The following TOP1 variants were observed in gnomAD, a reference collection of about 807,000 sequenced individuals.
TOP1 encodes DNA topoisomerase I.
Under a neutral mutation model 111.1 loss-of-function variants are expected in TOP1, and 10 were observed. That is an observed-to-expected ratio of 0.09 (90% CI 0.06 to 0.15). TOP1 has a LOEUF of 0.15. Among genes scored for constraint, TOP1 ranks in the 10% least tolerant of loss-of-function variants. The probability of loss-of-function intolerance (pLI) is 1.00; values close to 1 mark genes in which losing one functional copy is unlikely to be tolerated. For missense variants in TOP1, 474 were observed against 926.7 expected, an observed-to-expected ratio of 0.51 and a Z score of 6.34; for synonymous variants, 271 against 302.9, an observed-to-expected ratio of 0.89 and a Z score of 1.10.
chr20:41,056,987 G>A (rs1048394467), intron 2 of TOP1, among the ~76,000 whole-genome samples: 7 of 152,012 alleles, frequency 4.6e-5, no homozygotes, highest in South Asian at 2.1e-4. Flanking sequence ...GTGGCCGGGC[G>A]CAGTGGCTCA....
chr20:41,078,524 T>TAG lies in TOP1; in HGVS notation c.335+887_335+888insAG, dbSNP rs763458267. On this transcript the variant is annotated intron_variant, in intron 5 of 20. Transcript: ENST00000361337. The surrounding 1 kb of genome is among the most constrained non-coding windows in gnomAD (Gnocchi z 5.3). ...TCCTTTAGACAAGGAGAAAAGCAGG[T>TAG]GCCCTCTTCAGGCATGTTTCATAAT... Among the ~76,000 whole-genome samples the TAG allele has an allele frequency of 2.0e-5, 3 of 152,262 alleles. No individual in the cohort carries two copies. Among genetic ancestry groups the TAG allele is most frequent in the East Asian group, 3.9e-4 (2 of 5,176 alleles).
At chr20:41,093,252 T>C (rs144843265) in intron 9 of TOP1, among the ~76,000 whole-genome samples, 239 of 152,340 alleles carry the variant, frequency 1.6e-3, no homozygotes, top group African/African-American at 5.6e-3. Flanking sequence ...CTGTTGGCAG[T>C]GTAGCAGTAT....
intron 3 of TOP1, chr20:41,072,256 TA>T: frequency 1.0e-6 from 1 of 985,332 alleles, no homozygotes; most frequent in Non-Finnish European, 1.2e-6. Flanking sequence ...GTCTATTGTG[TA>T]TGGAAAAGTA....
At chr20:41,103,141 C>T (rs1568699576) in intron 13 of TOP1, among the ~76,000 whole-genome samples, 8 of 152,086 alleles carry the variant, frequency 5.3e-5, no homozygotes, top group Admixed American at 4.6e-4. Flanking sequence ...CATATTTTAC[C>T]ACAACTTAAA....
chr20:41,120,673 A>T (rs1196328060), intron 18 of TOP1, among the ~76,000 whole-genome samples: 5 of 152,234 alleles, frequency 3.3e-5, no homozygotes, highest in Non-Finnish European at 2.9e-5. Context: ...TCACATGGGG[A>T]AAAAAGCTCC....
chr20:41,056,445 C>CTT (rs1320160249), intron 2 of TOP1, among the ~76,000 whole-genome samples: 1 of 152,078 alleles, frequency 6.6e-6, no homozygotes, highest in Non-Finnish European at 1.5e-5. Flanking sequence ...ATGTAATACA[C>CTT]TTTTTGACAC....
At chr20:41,090,920 T>A (rs2033912758) in intron 8 of TOP1, among the ~76,000 whole-genome samples, 1 of 152,224 alleles carries the variant, frequency 6.6e-6, no homozygotes, top group Admixed American at 6.5e-5. Context: ...AGTTTTATAT[T>A]TTTGCTCTTA....
chr20:41,121,672 C>A lies in TOP1; in HGVS notation c.1951-24C>A. 2.5e-6 allele frequency: 4 copies of A among 1,598,126 alleles called. No individual in the cohort carries two copies. The highest frequency in any genetic ancestry group is 2.6e-6 in the Non-Finnish European group (3 of 1,165,378). On this transcript the variant is annotated intron_variant, in intron 18 of 20. Coordinates refer to ENST00000361337, the MANE Select transcript of TOP1 (RefSeq NM_003286.4). This position sits in a 1 kb window ranked among gnomAD's most constrained non-coding sequence, Gnocchi z 4.2. ...GCCATTTTTCCTCTACAGCTCATAA[C>A]CTTACCACTATTATTTCCCCTAGAT...
chr20:41,099,690 T>C (rs2034032296), intron 11 of TOP1, among the ~76,000 whole-genome samples: 1 of 152,210 alleles, frequency 6.6e-6, no homozygotes, highest in African/African-American at 2.4e-5. Context: ...GCTTGAGCTA[T>C]TCTTTTATGA....
rs1278279976 is a variant in TOP1, at chr20:41,034,058, T to A, written c.58+4603T>A. ...GTGAGAGTCAGTTGAGTGAATTTTC[T>A]GTGTTGTATGGTTTAGATTATCTGA... On this transcript the variant is annotated intron_variant, in intron 2 of 20. Transcript: ENST00000361337. This position sits in a 1 kb window ranked among gnomAD's most constrained non-coding sequence, Gnocchi z 4.0. Among the ~76,000 whole-genome samples, 1 of 152,246 alleles carries A rather than the reference T, an allele frequency of 6.6e-6. No individual in the cohort carries two copies. The highest frequency in any genetic ancestry group is 2.4e-5 in the African/African-American group (1 of 41,468).
chr20:41,061,373 ACT>A lies in TOP1; in HGVS notation c.59-19_59-18del. On this transcript the variant is annotated intron_variant, in intron 2 of 20. Coordinates refer to ENST00000361337, the MANE Select transcript of TOP1 (RefSeq NM_003286.4). The surrounding 1 kb of genome is among the most constrained non-coding windows in gnomAD (Gnocchi z 4.6). ...GATAGCTCATGACTCCTGTTAACTG[ACT>A]CATCTCTTATGGTTGCAGATTCTCA... 1.2e-6 allele frequency: 2 copies of A among 1,612,078 alleles called. No homozygotes were observed.
Position 41,042,158 on chromosome 20 carries a change from C to T in TOP1, c.58+12703C>T, listed in dbSNP as rs532980893. On this transcript the variant is annotated intron_variant, in intron 2 of 20. Transcript: ENST00000361337. The stretch of plus-strand genomic sequence containing the variant: ...CTTCTGGCCTCAAGTGATCCGGCTG[C>T]CTCAGCCTCCCAAAGTGCTTAGATT... 7.9e-5 allele frequency among the ~76,000 whole-genome samples: 12 copies of T among 152,312 alleles called. No homozygotes were observed. In the South Asian group the frequency reaches 2.5e-3, roughly 32 times the overall value.
chr20:41,049,708 G>A (rs955391915), intron 2 of TOP1, among the ~76,000 whole-genome samples: 3 of 152,294 alleles, frequency 2.0e-5, no homozygotes, highest in South Asian at 4.1e-4. Flanking sequence ...TCAGTTTTGG[G>A]GCTGAGTTGT....
intron 2 of TOP1, among the ~76,000 whole-genome samples, chr20:41,041,906 G>GATT (rs201654924): frequency 0.016 from 2,426 of 149,414 alleles, 29 homozygotes; most frequent in African/African-American, 0.032. Flanking sequence ...TGATGATGAT[G>GATT]ATTATTATTA....
At chr20:41,056,782 A>AT (rs760508455) in intron 2 of TOP1, among the ~76,000 whole-genome samples, 54 of 152,270 alleles carry the variant, frequency 3.5e-4, no homozygotes, top group Admixed American at 9.8e-4. Flanking sequence ...GTGCTCAGCC[A>AT]TTCCTTTAAA....
Position 41,066,045 on chromosome 20 carries a change from A to G in TOP1, c.155+4555A>G, listed in dbSNP as rs182024237. On this transcript the variant is annotated intron_variant, in intron 3 of 20. Coordinates refer to ENST00000361337, the MANE Select transcript of TOP1 (RefSeq NM_003286.4). Reference sequence around the variant, plus strand: ...GACCTGCTTACAGATCAGATGAAGAATGTTGATTTTTATATTACTAGGCTG... The same window carrying G: ...GACCTGCTTACAGATCAGATGAAGAGTGTTGATTTTTATATTACTAGGCTG... 1.3e-4 allele frequency among the ~76,000 whole-genome samples: 20 copies of G among 152,368 alleles called. 1 individual carries two copies. The highest frequency in any genetic ancestry group is 9.1e-4 in the Admixed American group (14 of 15,308).
rs184668477 is a variant in TOP1 at position 41,082,088 on chromosome 20, C to T, written c.507+848C>T. On this transcript the variant is annotated intron_variant, in intron 7 of 20. Transcript: ENST00000361337. This position sits in a 1 kb window ranked among gnomAD's most constrained non-coding sequence, Gnocchi z 4.1. ...CACAGGGGTCTTAATGATGCCCTCCCCTAAGACAAGAAGGGGTTGGGTGAG... is the reference window on the plus strand; with the variant it reads ...CACAGGGGTCTTAATGATGCCCTCCTCTAAGACAAGAAGGGGTTGGGTGAG... Among the ~76,000 whole-genome samples the T allele has an allele frequency of 6.6e-6, 1 of 152,078 alleles. No homozygotes were observed. Among genetic ancestry groups the T allele is most frequent in the South Asian group, 2.1e-4 (1 of 4,822 alleles).
At chr20:41,053,006 A>T (rs1045205951) in intron 2 of TOP1, among the ~76,000 whole-genome samples, 1 of 152,196 alleles carries the variant, frequency 6.6e-6, no homozygotes, top group African/African-American at 2.4e-5. Flanking sequence ...CAACAAAAAA[A>T]AACTCTGTTT....
At position 41,114,224 on chromosome 20, in the gene TOP1, T is replaced by C. The variant is rs1407694356; in HGVS notation, c.1638+69T>C. The C allele has an allele frequency of 7.1e-7, 1 of 1,415,048 alleles. No individual in the cohort carries two copies. Among genetic ancestry groups the C allele is most frequent in the Non-Finnish European group, 9.8e-7 (1 of 1,022,708 alleles). The allele number at this position is 1,415,048 out of a possible 1,614,324, so 87.7% of individuals were successfully genotyped here. A position where few individuals can be genotyped will look rare whatever the true frequency, so the allele number is the denominator to read the frequency against. On this transcript the variant is annotated intron_variant, in intron 15 of 20. Coordinates refer to ENST00000361337, the MANE Select transcript of TOP1 (RefSeq NM_003286.4). This position sits in a 1 kb window ranked among gnomAD's most constrained non-coding sequence, Gnocchi z 4.5. ...CAACAAGCATGGGTTGACTGCTTTT[T>C]TGTGTGCTTTGCACTTTGCTGGGCA...
Sources: allele counts gnomAD v4.1 joint callset (sites outside exome capture counted in the v4.1 genomes callset), GRCh38; gene constraint gnomAD v4.1.1; non-coding constraint Gnocchi (gnomAD v3.1); transcripts MANE v1.5; gene names NCBI Gene and HGNC (gene_info 2026-07-23, HGNC 2026-07-21).